The following SEC22A variants were observed in gnomAD, a reference collection of about 807,000 sequenced individuals.
SEC22A encodes the protein vesicle-trafficking protein SEC22a.
In SEC22A, 22 loss-of-function variants were observed where a neutral mutation model predicts 35.3. The observed-to-expected ratio is 0.62, with a 90% CI of 0.45 to 0.89. The LOEUF is 0.89. SEC22A is among the 40% of genes least tolerant of loss of function. The probability of loss-of-function intolerance (pLI) is 0.00; values close to 1 mark genes in which losing one functional copy is unlikely to be tolerated. For synonymous variants in SEC22A, 119 were observed against 129.5 expected, an observed-to-expected ratio of 0.92 and a Z score of 0.55; for missense variants, 354 against 362.5, an observed-to-expected ratio of 0.98 and a Z score of 0.19.
chr3:123,261,705 T>C (rs1413680800), intron 6 of SEC22A, among the ~76,000 whole-genome samples: 1 of 152,214 alleles, frequency 6.6e-6, no homozygotes, highest in African/African-American at 2.4e-5. Flanking sequence ...GTGTTAAGCC[T>C]TTTATAGTCA....
At position 123,269,179 on chromosome 3, in the gene SEC22A, A is replaced by ATGTGTGTGTGTG. The variant is rs200267944; in HGVS notation, c.724-2317_724-2306dup. 1.7e-3 allele frequency among the ~76,000 whole-genome samples: 208 copies of ATGTGTGTGTGTG among 120,724 alleles called. 1 individual carries two copies. The highest frequency in any genetic ancestry group is 5.2e-3 in the African/African-American group (169 of 32,318). The allele number at this position is 120,724 out of a possible 152,430, so 79.2% of individuals were successfully genotyped here. A position where few individuals can be genotyped will look rare whatever the true frequency, so the allele number is the denominator to read the frequency against. On this transcript the variant is annotated intron_variant, in intron 6 of 6. Coordinates refer to ENST00000492595, the MANE Select transcript of SEC22A (RefSeq NM_012430.5). Reference sequence around the variant, plus strand: ...CCTTGGAAAACCTTGAATTAAATATATGTGTGTGTGTGTGTGTGTGTGTGT... The same window carrying ATGTGTGTGTGTG: ...CCTTGGAAAACCTTGAATTAAATATATGTGTGTGTGTGTGTGTGTGTGTGTGTGTGTGTGTGT...
At chr3:123,231,581 G>T (rs990637898) in intron 4 of SEC22A, among the ~76,000 whole-genome samples, 5 of 152,122 alleles carry the variant, frequency 3.3e-5, no homozygotes, top group Non-Finnish European at 7.3e-5. Context: ...TAGTGAATGG[G>T]TCAGAGACTA....
At chr3:123,213,741 TGA>T (rs1466645926) in intron 2 of SEC22A, among the ~76,000 whole-genome samples, 1 of 152,220 alleles carries the variant, frequency 6.6e-6, no homozygotes, top group African/African-American at 2.4e-5. Context: ...GTGTAGAAAT[TGA>T]GATACTCTTT....
intron 5 of SEC22A, among the ~76,000 whole-genome samples, chr3:123,254,180 TC>T (rs559583640): frequency 1.1e-3 from 167 of 152,252 alleles, no homozygotes; most frequent in African/African-American, 3.7e-3. Flanking sequence ...TTGTTTACCT[TC>T]ATCCTCATCT....
intron 4 of SEC22A, among the ~76,000 whole-genome samples, chr3:123,233,882 G>C (rs180988187): frequency 7.2e-5 from 11 of 152,274 alleles, no homozygotes; most frequent in Non-Finnish European, 1.2e-4. Flanking sequence ...AAATAAAAAG[G>C]CATGTAGATT....
chr3:123,271,064 C>T (rs1938148714), intron 6 of SEC22A, among the ~76,000 whole-genome samples: 1 of 152,028 alleles, frequency 6.6e-6, no homozygotes, highest in African/African-American at 2.4e-5. Context: ...ACTCAGTGGG[C>T]GACTAGTAAA....
chr3:123,225,352 G>A, intron 4 of SEC22A, 55 bp downstream of exon 4: 1 of 1,055,916 alleles, frequency 9.5e-7, no homozygotes, highest in Non-Finnish European at 1.4e-6. Flanking sequence ...GAAAAACTGA[G>A]AAACTCTTGA....
chr3:123,267,279 T>TC (rs898838566), intron 6 of SEC22A, among the ~76,000 whole-genome samples: 3 of 144,246 alleles, frequency 2.1e-5, no homozygotes, highest in African/African-American at 7.6e-5. Flanking sequence ...CTTTTTTTTT[T>TC]CTTTTTTCTT....
intron 5 of SEC22A, among the ~76,000 whole-genome samples, chr3:123,255,224 A>C (rs544718437): frequency 3.7e-4 from 56 of 152,310 alleles, no homozygotes; most frequent in Non-Finnish European, 6.8e-4. Flanking sequence ...ATTTTTCTTC[A>C]TGACAAATCT....
At chr3:123,230,908 A>G (rs1937315307) in intron 4 of SEC22A, among the ~76,000 whole-genome samples, 1 of 152,160 alleles carries the variant, frequency 6.6e-6, no homozygotes, top group Non-Finnish European at 1.5e-5. Flanking sequence ...ACAAGATGCA[A>G]CTATATGTTG....
intron 2 of SEC22A, among the ~76,000 whole-genome samples, chr3:123,214,116 A>T (rs1936984511): frequency 6.6e-6 from 1 of 152,174 alleles, no homozygotes; most frequent in Non-Finnish European, 1.5e-5. Context: ...AATCACTTGA[A>T]CCCAGGAAGC....
intron 2 of SEC22A, among the ~76,000 whole-genome samples, chr3:123,222,442 G>A (rs1180821499): frequency 2.6e-5 from 4 of 151,852 alleles, no homozygotes; most frequent in South Asian, 2.1e-4. Flanking sequence ...CAGATGATCC[G>A]CCCACCTCGG....
At chr3:123,245,781 ATAATTC>A in intron 4 of SEC22A, 112 bp from the exon 5 acceptor site, 1 of 635,174 alleles carries the variant, frequency 1.6e-6, no homozygotes, top group Non-Finnish European at 2.9e-6. Context: ...ATGGTGTTAA[ATAATTC>A]TATGAAGTAT....
At chr3:123,255,069 CT>C (rs1159013929) in intron 5 of SEC22A, among the ~76,000 whole-genome samples, 1 of 152,146 alleles carries the variant, frequency 6.6e-6, no homozygotes, top group Non-Finnish European at 1.5e-5. Flanking sequence ...AGCAGAAACT[CT>C]TTAGAGTCTT....
At position 123,273,814 on chromosome 3, in the gene SEC22A, A is replaced by G. The variant is rs952170839; in HGVS notation, c.*2092A>G. The G allele has an allele frequency of 1.3e-5, 2 of 152,222 alleles. No individual in the cohort carries two copies. Among genetic ancestry groups the G allele is most frequent in the Non-Finnish European group, 2.9e-5 (2 of 68,052 alleles). The allele number at this position is 152,222 out of a possible 1,614,324, so 9.4% of individuals were successfully genotyped here. On this transcript the variant is annotated 3_prime_UTR_variant, in exon 7 of 7. Coordinates refer to ENST00000492595, the MANE Select transcript of SEC22A (RefSeq NM_012430.5). ...ACAGAGCGAGACTCTGTCTCAAAAA[A>G]GAAAGGTTTTCTAAACTAATGGTTA...
At chr3:123,205,659 AGAGT>A (rs972562915) in intron 1 of SEC22A, among the ~76,000 whole-genome samples, 2 of 151,902 alleles carry the variant, frequency 1.3e-5, no homozygotes, top group African/African-American at 2.4e-5. Flanking sequence ...CCTGGGCAAC[AGAGT>A]GAGACCCTGT....
intron 5 of SEC22A, among the ~76,000 whole-genome samples, chr3:123,248,385 A>G (rs1015230609): frequency 6.6e-6 from 1 of 152,352 alleles, no homozygotes; most frequent in African/African-American, 2.4e-5. Flanking sequence ...AATTATAGCA[A>G]GATTGCAGGA....
At chr3:123,241,305 TGAAAA>T (rs1175496200) in intron 4 of SEC22A, among the ~76,000 whole-genome samples, 1 of 152,184 alleles carries the variant, frequency 6.6e-6, no homozygotes, top group African/African-American at 2.4e-5. Context: ...GCCTCACTGA[TGAAAA>T]GAATAGTGTG....
intron 4 of SEC22A, among the ~76,000 whole-genome samples, chr3:123,239,786 C>A (rs1937493427): frequency 6.6e-6 from 1 of 152,014 alleles, no homozygotes; most frequent in Admixed American, 6.6e-5. Context: ...GTTGCCTGTT[C>A]ACTCTGATGG....
Sources: allele counts gnomAD v4.1 joint callset (sites outside exome capture counted in the v4.1 genomes callset), GRCh38; gene constraint gnomAD v4.1.1; transcripts MANE v1.5; gene names NCBI Gene and HGNC (gene_info 2026-07-23, HGNC 2026-07-21).